Variants in IL1RAPL2 observed in about 807,000 individuals in gnomAD.
IL1RAPL2 encodes the protein X-linked interleukin-1 receptor accessory protein-like 2.
Under a neutral mutation model 44.1 loss-of-function variants are expected in IL1RAPL2, and 3 were observed. The observed-to-expected ratio is 0.07, with a 90% CI of 0.03 to 0.18. IL1RAPL2 has a LOEUF of 0.18. Ranked by LOEUF, IL1RAPL2 falls within the 10% of genes least tolerant of loss-of-function variation. IL1RAPL2 has a pLI of 1.00. For synonymous variants in IL1RAPL2, 181 were observed against 178.8 expected, an observed-to-expected ratio of 1.01 and a Z score of -0.10; for missense variants, 391 against 496.4, an observed-to-expected ratio of 0.79 and a Z score of 2.02.
intron 1 of IL1RAPL2, among the ~76,000 whole-genome samples, chrX:104,628,509 A>G (rs1455875413): frequency 8.9e-6 from 1 of 111,772 alleles, no homozygotes; most frequent in Non-Finnish European, 1.9e-5. Flanking sequence ...GTTGCTGCAA[A>G]TAACATTATT....
chrX:104,790,700 A>G (rs1470949422), intron 2 of IL1RAPL2, among the ~76,000 whole-genome samples: 1 of 112,060 alleles, frequency 8.9e-6, no homozygotes, highest in Non-Finnish European at 1.9e-5. Context: ...AAAATCACCT[A>G]TTATAATTTT....
At chrX:104,907,908 A>C (rs1225708491) in intron 2 of IL1RAPL2, among the ~76,000 whole-genome samples, 1 of 109,300 alleles carries the variant, frequency 9.1e-6, no homozygotes, top group Non-Finnish European at 1.9e-5. Flanking sequence ...TGGGGTGTTA[A>C]AGTCTCCCAT....
intron 5 of IL1RAPL2, among the ~76,000 whole-genome samples, chrX:105,366,925 A>G (rs1269851077): frequency 1.8e-5 from 2 of 111,625 alleles, no homozygotes; most frequent in African/African-American, 3.3e-5. Flanking sequence ...TCCAAAATTG[A>G]AACTGGGGTG....
chrX:105,422,579 G>A lies in IL1RAPL2; in HGVS notation c.698-61734G>A, dbSNP rs751660652. On this transcript the variant is annotated intron_variant, in intron 5 of 10. Coordinates refer to ENST00000372582, the MANE Select transcript of IL1RAPL2 (RefSeq NM_017416.2). ...CCAAATACTGGAGAATTCAGGTAGA[G>A]AGAAACAAATATATTCTAAATTTTG... Among the ~76,000 whole-genome samples, 7 of 112,044 alleles carry A rather than the reference G, an allele frequency of 6.2e-5. No individual in the cohort carries two copies. The South Asian group carries it at 2.6e-3, about 41-fold the overall frequency.
intron 2 of IL1RAPL2, among the ~76,000 whole-genome samples, chrX:104,939,414 T>A (rs1168871985): frequency 9.0e-6 from 1 of 111,707 alleles, no homozygotes; most frequent in Non-Finnish European, 1.9e-5. Flanking sequence ...CTATTTGACT[T>A]TTTTAAACCT....
chrX:104,655,144 TCC>T (rs1930229962), intron 1 of IL1RAPL2, among the ~76,000 whole-genome samples: 10 of 111,652 alleles, frequency 9.0e-5, no homozygotes, highest in Admixed American at 5.7e-4. Flanking sequence ...CTTCCTCTTT[TCC>T]TAATTGAATA....
intron 6 of IL1RAPL2, among the ~76,000 whole-genome samples, chrX:105,570,608 A>AT (rs1391906365): frequency 9.0e-6 from 1 of 111,425 alleles, no homozygotes; most frequent in Non-Finnish European, 1.9e-5. Flanking sequence ...ACCAACATCT[A>AT]TTTTTTGTTA....
chrX:105,194,436 A>G (rs1190970348), intron 2 of IL1RAPL2, among the ~76,000 whole-genome samples: 1 of 112,505 alleles, frequency 8.9e-6, no homozygotes, highest in East Asian at 2.8e-4. Context: ...TTTTGAAAAT[A>G]AGCAAATTAG....
At chrX:104,900,758 A>G (rs920505242) in intron 2 of IL1RAPL2, among the ~76,000 whole-genome samples, 4 of 111,999 alleles carry the variant, frequency 3.6e-5, no homozygotes, top group African/African-American at 1.3e-4. Context: ...GCATTATATC[A>G]CTTATATTGG....
chrX:105,543,858 C>G (rs5916927), intron 6 of IL1RAPL2, among the ~76,000 whole-genome samples: 39,635 of 110,770 alleles, frequency 0.36, 5,747 homozygotes, highest in South Asian at 0.48. Flanking sequence ...AGTGTGAGTC[C>G]TCCAAAAGTA....
chrX:105,344,645 C>T (rs999404702), intron 5 of IL1RAPL2, among the ~76,000 whole-genome samples: 1 of 111,617 alleles, frequency 9.0e-6, no homozygotes, highest in Non-Finnish European at 1.9e-5. Context: ...GACAAGTATA[C>T]TTGACTTTAC....
At chrX:104,852,212 G>A (rs749546208) in intron 2 of IL1RAPL2, among the ~76,000 whole-genome samples, 2 of 112,251 alleles carry the variant, frequency 1.8e-5, no homozygotes, top group African/African-American at 6.5e-5. Context: ...GTGGGCCATA[G>A]TAAACAATAT....
chrX:105,254,368 T>C (rs181345651), intron 4 of IL1RAPL2, among the ~76,000 whole-genome samples: 1 of 112,388 alleles, frequency 8.9e-6, no homozygotes, highest in Non-Finnish European at 1.9e-5. Flanking sequence ...AAAGTGTATG[T>C]TCATGTCCTT....
chrX:104,998,844 C>T (rs1210773662), intron 2 of IL1RAPL2, among the ~76,000 whole-genome samples: 1 of 111,150 alleles, frequency 9.0e-6, no homozygotes, highest in Non-Finnish European at 1.9e-5. Flanking sequence ...CCCTCTTATC[C>T]AGGCTGGAGT....
At chrX:105,204,793 CA>C (rs2033747663) in intron 3 of IL1RAPL2, among the ~76,000 whole-genome samples, 1 of 111,616 alleles carries the variant, frequency 9.0e-6, no homozygotes, top group African/African-American at 3.3e-5. Context: ...CAGGTTCAAC[CA>C]GGGGACTCAC....
At chrX:104,586,105 T>C (rs1928555768) in intron 1 of IL1RAPL2, among the ~76,000 whole-genome samples, 1 of 112,187 alleles carries the variant, frequency 8.9e-6, no homozygotes, top group South Asian at 3.8e-4. Flanking sequence ...CACCAACATC[T>C]GTTATTTTAA....
intron 2 of IL1RAPL2, among the ~76,000 whole-genome samples, chrX:104,963,825 G>A (rs2030054061): frequency 9.0e-6 from 1 of 110,863 alleles, no homozygotes; most frequent in Admixed American, 9.6e-5. Flanking sequence ...AATAAGCAGA[G>A]TACCTTTCCA....
chrX:104,666,856 C>T (rs1219750786), intron 2 of IL1RAPL2, among the ~76,000 whole-genome samples: 1 of 111,866 alleles, frequency 8.9e-6, no homozygotes, highest in African/African-American at 3.2e-5. Context: ...TTAGAATATG[C>T]ATGACTTTCC....
At chrX:105,021,437 G>C (rs1188841032) in intron 2 of IL1RAPL2, among the ~76,000 whole-genome samples, 1 of 110,628 alleles carries the variant, frequency 9.0e-6, no homozygotes, top group Admixed American at 9.7e-5. Flanking sequence ...TTTATGGGTG[G>C]CCGTGGGGCT....
Sources: gnomAD v4.1 joint callset for allele counts (sites outside exome capture counted in the v4.1 genomes callset) on GRCh38, gnomAD v4.1.1 for gene constraint, MANE v1.5 for transcripts, NCBI Gene and HGNC (gene_info 2026-07-23, HGNC 2026-07-21) for gene names.